Variants in OGDH observed in about 807,000 individuals in gnomAD.
The protein encoded by OGDH is oxoglutarate dehydrogenase, also known as 2-oxoglutarate dehydrogenase complex component E1.
Under a neutral mutation model 116.6 loss-of-function variants are expected in OGDH, and 38 were observed. That is an observed-to-expected ratio of 0.33 (90% CI 0.25 to 0.43). OGDH has a LOEUF of 0.43. Ranked by LOEUF, OGDH falls within the 20% of genes least tolerant of loss-of-function variation. OGDH has a pLI of 1.00. For synonymous variants in OGDH, 488 were observed against 533.3 expected (o/e 0.92, Z 1.17); for missense variants, 825 against 1,357.2 (o/e 0.61, Z 6.16).
chr7:44,609,306 G>C (rs1480759579), intron 1 of OGDH, among the ~76,000 whole-genome samples: 1 of 141,230 alleles, frequency 7.1e-6, no homozygotes, highest in African/African-American at 2.6e-5. Flanking sequence ...CCAGGAGTTC[G>C]AGTCTGAGGA....
intron 1 of OGDH, among the ~76,000 whole-genome samples, chr7:44,618,221 A>C (rs1452747896): frequency 2.0e-5 from 3 of 152,220 alleles, no homozygotes; most frequent in African/African-American, 7.2e-5. Flanking sequence ...TTTCTTACAC[A>C]TTAAAAAAAT....
At chr7:44,705,972 C>T (rs907177946) in intron 20 of OGDH, among the ~76,000 whole-genome samples, 22 of 152,138 alleles carry the variant, frequency 1.4e-4, no homozygotes, top group Admixed American at 6.6e-4. Flanking sequence ...TAGATTCTTA[C>T]CCTGTCACCC....
At chr7:44,647,181 G>T (rs1786223175) in intron 3 of OGDH, among the ~76,000 whole-genome samples, 1 of 152,218 alleles carries the variant, frequency 6.6e-6, no homozygotes, top group Admixed American at 6.5e-5. Context: ...CATGGAAACT[G>T]TATAAAGATC....
chr7:44,673,388 A>G (rs1258731392), intron 5 of OGDH, among the ~76,000 whole-genome samples: 2 of 152,206 alleles, frequency 1.3e-5, no homozygotes, highest in Admixed American at 1.3e-4. Context: ...ATGACACCCT[A>G]TGGGCATTTC....
intron 10 of OGDH, among the ~76,000 whole-genome samples, chr7:44,687,628 A>G (rs1453078612): frequency 1.3e-5 from 2 of 151,072 alleles, no homozygotes; most frequent in South Asian, 2.1e-4. Flanking sequence ...TGTGTTGACC[A>G]TGTTGACTGG....
chr7:44,693,737 G>A (rs1004262665), intron 10 of OGDH, 88 bp from the exon 11 acceptor site: 18 of 1,207,358 alleles, frequency 1.5e-5, no homozygotes, highest in Non-Finnish European at 2.1e-5. Flanking sequence ...GATGGCAAGT[G>A]CATGCCATGC....
chr7:44,609,002 G>T (rs1179757230), intron 1 of OGDH, among the ~76,000 whole-genome samples: 2 of 152,022 alleles, frequency 1.3e-5, no homozygotes, highest in Non-Finnish European at 2.9e-5. Flanking sequence ...TCATCACAAG[G>T]ATCCCTTCCA....
rs1246055947 is a variant in OGDH, at chr7:44,673,908, G to A, written c.755G>A (p.Arg252Gln). The A allele has an allele frequency of 1.9e-6, 3 of 1,614,120 alleles. No homozygotes were observed. The highest frequency in any genetic ancestry group is 1.1e-5 in the South Asian group (1 of 91,090). ...GIMQFTNEEKRTLLARLVRST... is the reference protein window; with the variant it reads ...GIMQFTNEEKQTLLARLVRST... ...ATGCAGTTCACAAATGAGGAGAAAC[G>A]GACCCTGCTGGCCAGGCTTGTGCGG... Residue 252 changes from arginine to glutamine, a missense_variant, in exon 6 of 23, where the codon CGG becomes CAG. This residue lies in a region of OGDH where 171 missense variants were observed against 276.8 expected (regional missense o/e 0.62). Coordinates refer to ENST00000222673, the MANE Select transcript of OGDH (RefSeq NM_002541.4).
intron 1 of OGDH, among the ~76,000 whole-genome samples, chr7:44,620,391 A>G (rs1314176430): frequency 1.3e-5 from 2 of 152,232 alleles, no homozygotes; most frequent in Admixed American, 1.3e-4. Context: ...TGTCATAACT[A>G]AGAATACATT....
At position 44,685,200 on chromosome 7, in the gene OGDH, A is replaced by G. The variant is rs565743134; in HGVS notation, c.1335+3352A>G. Among the ~76,000 whole-genome samples, 6 of 152,288 alleles carry G rather than the reference A, an allele frequency of 3.9e-5. No individual in the cohort carries two copies. The East Asian group carries it at 9.6e-4, about 24-fold the overall frequency. On this transcript the variant is annotated intron_variant, in intron 10 of 22. Transcript: ENST00000222673. ...TTCATAATATTGTGCAACCATCACC[A>G]CCACCCATCTCCAAAACTGTTTCGT... is the stretch of plus-strand genomic sequence containing the variant.
At chr7:44,636,903 A>G (rs2115662699) in intron 2 of OGDH, among the ~76,000 whole-genome samples, 1 of 152,304 alleles carries the variant, frequency 6.6e-6, no homozygotes, top group South Asian at 2.1e-4. Context: ...TCTTAAACCC[A>G]CTCATGGGAA....
At chr7:44,623,982 A>G (rs1176539280) in intron 1 of OGDH, among the ~76,000 whole-genome samples, 1 of 151,992 alleles carries the variant, frequency 6.6e-6, no homozygotes, top group Non-Finnish European at 1.5e-5. Flanking sequence ...AATATCTGCA[A>G]CTGTGCACTC....
At chr7:44,613,655 G>A (rs1784654354) in intron 1 of OGDH, among the ~76,000 whole-genome samples, 1 of 151,572 alleles carries the variant, frequency 6.6e-6, no homozygotes. Flanking sequence ...CACCACGCCC[G>A]GCTATAATTT....
intron 4 of OGDH, among the ~76,000 whole-genome samples, chr7:44,657,841 A>G (rs554130826): frequency 6.6e-6 from 1 of 152,210 alleles, no homozygotes; most frequent in East Asian, 1.9e-4. Flanking sequence ...TTTATTGTTC[A>G]TTTTATATTT....
intron 2 of OGDH, among the ~76,000 whole-genome samples, chr7:44,630,795 A>G (rs943699806): frequency 6.6e-6 from 1 of 152,238 alleles, no homozygotes; most frequent in East Asian, 1.9e-4. Context: ...ACCAGGGACC[A>G]GTTTCGTGGA....
At chr7:44,670,381 G>A (rs1210247611) in intron 5 of OGDH, among the ~76,000 whole-genome samples, 3 of 152,066 alleles carry the variant, frequency 2.0e-5, no homozygotes, top group East Asian at 1.9e-4. Flanking sequence ...ATTTGGGGTC[G>A]TGATGATGAA....
At chr7:44,627,950 T>TA (rs1785273124) in intron 2 of OGDH, among the ~76,000 whole-genome samples, 1 of 152,244 alleles carries the variant, frequency 6.6e-6, no homozygotes, top group Non-Finnish European at 1.5e-5. Context: ...GTGCTGGGAT[T>TA]ACAGGCGTGA....
At chr7:44,669,749 T>C (rs964040517) in intron 5 of OGDH, among the ~76,000 whole-genome samples, 3 of 150,470 alleles carry the variant, frequency 2.0e-5, no homozygotes, top group Non-Finnish European at 4.4e-5. Context: ...TGGTTGGACC[T>C]GTACCCAGGA....
rs182503090 is a variant in OGDH at position 44,679,464 on chromosome 7, A to G, written c.1207-2256A>G. Reference sequence around the variant, plus strand: ...CTGCAGTTCTGTTTTTAAAAATTCTAGGTTTTGTCCCTGACACACAAATCA... The same window carrying G: ...CTGCAGTTCTGTTTTTAAAAATTCTGGGTTTTGTCCCTGACACACAAATCA... On this transcript the variant is annotated intron_variant, in intron 9 of 22. Coordinates refer to ENST00000222673, the MANE Select transcript of OGDH (RefSeq NM_002541.4). Among the ~76,000 whole-genome samples, 548 of 152,294 alleles carry G rather than the reference A, an allele frequency of 3.6e-3. 3 individuals are homozygous for G. The highest frequency in any genetic ancestry group is 7.5e-3 in the South Asian group (36 of 4,826).
Sources: gnomAD v4.1 joint callset for allele counts (sites outside exome capture counted in the v4.1 genomes callset) on GRCh38, gnomAD v4.1.1 for gene constraint, gnomAD v4.1.1 regional missense constraint, MANE v1.5 for transcripts, NCBI Gene and HGNC (gene_info 2026-07-23, HGNC 2026-07-21) for gene names.